Variants in JAKMIP3 observed in about 807,000 individuals in gnomAD.
JAKMIP3 encodes janus kinase and microtubule-interacting protein 3.
A neutral mutation model predicts 118.5 loss-of-function variants in JAKMIP3; 58 were observed. That is an observed-to-expected ratio of 0.49 (90% confidence interval 0.40 to 0.61). The LOEUF (loss-of-function observed/expected upper bound fraction) is 0.61. Ranked by LOEUF, JAKMIP3 falls within the 20% of genes least tolerant of loss-of-function variation. The probability of loss-of-function intolerance (pLI) is 0.00; values close to 1 mark genes in which losing one functional copy is unlikely to be tolerated. For synonymous variants in JAKMIP3, 486 were observed against 451.2 expected, an observed-to-expected ratio of 1.08 and a Z score of -0.98; for missense variants, 950 against 1,109.0, an observed-to-expected ratio of 0.86 and a Z score of 2.04.
intron 19 of JAKMIP3, among the ~76,000 whole-genome samples, chr10:132,155,544 T>C (rs1475210015): frequency 6.6e-6 from 1 of 151,962 alleles, no homozygotes; most frequent in Non-Finnish European, 1.5e-5. Flanking sequence ...GCATCCTGGG[T>C]GGGGGTGTAA....
At chr10:132,130,152 C>T (rs577038595) in intron 3 of JAKMIP3, among the ~76,000 whole-genome samples, 20 of 152,152 alleles carry the variant, frequency 1.3e-4, no homozygotes, top group Non-Finnish European at 2.5e-4. Flanking sequence ...GGAGGCTTGG[C>T]GGCCTCTTCT....
chr10:132,146,428 G>C (rs1173367486), intron 13 of JAKMIP3, among the ~76,000 whole-genome samples: 1 of 152,152 alleles, frequency 6.6e-6, no homozygotes, highest in Non-Finnish European at 1.5e-5. Flanking sequence ...ACAACTGTGG[G>C]AGCAGGTGAT....
intron 23 of JAKMIP3, chr10:132,170,182 G>C (rs2059346410): frequency 6.6e-6 from 1 of 152,234 alleles, no homozygotes; most frequent in Non-Finnish European, 1.5e-5. Context: ...AGAGACTTCT[G>C]GTCCCACAGC....
At position 132,172,997 on chromosome 10, in the gene JAKMIP3, T is replaced by C. The variant is rs1490246082; in HGVS notation, c.*1103+3964T>C. 7.0e-3 allele frequency among the ~76,000 whole-genome samples: 116 copies of C among 16,664 alleles called. 1 individual carries two copies. Among genetic ancestry groups the C allele is most frequent in the Non-Finnish European group, 8.0e-3 (72 of 9,018 alleles). The allele number at this position is 16,664 out of a possible 152,430, so 10.9% of individuals were successfully genotyped here. A position where few individuals can be genotyped will look rare whatever the true frequency, so the allele number is the denominator to read the frequency against. Reference sequence around the variant, plus strand: ...TCTCCTTCCCTCTCTCTCTCTCTCCTTCCCTCTCTCTCTCTCTCCCTCTCT... The same window carrying C: ...TCTCCTTCCCTCTCTCTCTCTCTCCCTCCCTCTCTCTCTCTCTCCCTCTCT... On this transcript the variant is annotated intron_variant, in intron 23 of 23. Coordinates refer to ENST00000684848, the MANE Select transcript of JAKMIP3 (RefSeq NM_001323087.2).
In JAKMIP3 at chr10:132,050,507, C is replaced by T. The variant is rs527633589; in HGVS notation, c.-138+13769C>T. Among the ~76,000 whole-genome samples the T allele has an allele frequency of 2.6e-3, 389 of 152,256 alleles. 5 individuals are homozygous for T. Among genetic ancestry groups the T allele is most frequent in the East Asian group, 3.9e-3 (20 of 5,178 alleles). On this transcript the variant is annotated intron_variant, in intron 1 of 23. Transcript: ENST00000657785. ...GGGGCCTGGATTTGTTGCTTTTTCT[C>T]TTTTTACTCAGTTACTTAGCAGTTT...
At chr10:132,180,757 G>GTA (rs2061249248) in intron 23 of JAKMIP3, among the ~76,000 whole-genome samples, 1 of 33,970 alleles carries the variant, frequency 2.9e-5, no homozygotes, top group African/African-American at 1.1e-4. Context: ...GCGCGCGTGT[G>GTA]TGCGTGTGTG....
rs2060479320 is a variant in JAKMIP3 at position 132,179,345 on chromosome 10, T to A, written c.*1104-3012T>A. Among the ~76,000 whole-genome samples the A allele has an allele frequency of 6.6e-6, 1 of 152,158 alleles. No individual in the cohort carries two copies. Among genetic ancestry groups the A allele is most frequent in the African/African-American group, 2.4e-5 (1 of 41,428 alleles). Reference sequence around the variant, plus strand: ...GCTCTGAGCTGGTTGGGGCTCCACCTGCACTATGCCTGAGCTCCCCACATC... The same window carrying A: ...GCTCTGAGCTGGTTGGGGCTCCACCAGCACTATGCCTGAGCTCCCCACATC... On this transcript the variant is annotated intron_variant, in intron 23 of 23. Coordinates refer to ENST00000684848, the MANE Select transcript of JAKMIP3 (RefSeq NM_001323087.2). The surrounding 1 kb of genome is among the most constrained non-coding windows in gnomAD (Gnocchi z 4.3).
chr10:132,143,148 G>GT (rs1197792401), intron 11 of JAKMIP3, among the ~76,000 whole-genome samples: 4 of 149,766 alleles, frequency 2.7e-5, no homozygotes, highest in African/African-American at 1.0e-4. Context: ...GAGTCGGGGT[G>GT]GGGGGGGCTG....
At chr10:132,063,593 C>T (rs1197233772), upstream of JAKMIP3, among the ~76,000 whole-genome samples, 2 of 152,250 alleles carry the variant, frequency 1.3e-5, no homozygotes, top group Admixed American at 1.3e-4. Flanking sequence ...CCAGCACCCA[C>T]CTGCTCTCCG....
intron 4 of JAKMIP3, 122 bp from the exon 5 acceptor site, chr10:132,134,919 C>A (rs772700340): frequency 1.5e-5 from 18 of 1,238,734 alleles, no homozygotes; most frequent in Admixed American, 4.5e-5. Flanking sequence ...TCCCGGCAGC[C>A]GCGTGGAGGT....
intron 23 of JAKMIP3, among the ~76,000 whole-genome samples, chr10:132,170,741 C>G (rs2059412933): frequency 6.6e-6 from 1 of 152,166 alleles, no homozygotes; most frequent in South Asian, 2.1e-4. Context: ...TCAGGCCTGT[C>G]GGCATGGCGG....
chr10:132,162,330 C>T (rs1438596416), intron 19 of JAKMIP3, among the ~76,000 whole-genome samples: 1 of 152,252 alleles, frequency 6.6e-6, no homozygotes, highest in Non-Finnish European at 1.5e-5. Flanking sequence ...GAGCACCTCC[C>T]ACCACCAGGT....
chr10:132,081,565 C>T (rs190163361), intron 1 of JAKMIP3, among the ~76,000 whole-genome samples: 330 of 152,226 alleles, frequency 2.2e-3, no homozygotes, highest in African/African-American at 7.3e-3. Context: ...TCCCAGTGCC[C>T]GCATCTTTAC....
rs550320254 is a variant in JAKMIP3 at position 132,116,989 on chromosome 10, C to T, written c.136-88C>T. 14 of 1,444,122 alleles carry T rather than the reference C, an allele frequency of 9.7e-6. No individual in the cohort carries two copies. In the East Asian group the frequency reaches 2.4e-4, roughly 24 times the overall value. The allele number at this position is 1,444,122 out of a possible 1,614,324, so 89.5% of individuals were successfully genotyped here. On this transcript the variant is annotated intron_variant, in intron 2 of 23. Transcript: ENST00000684848. Reference sequence around the variant, plus strand: ...CACATTCAGGTGTGAGTGTGTGCAACGTGGAAGCTCCCCCAAATGCACATT... The same window carrying T: ...CACATTCAGGTGTGAGTGTGTGCAATGTGGAAGCTCCCCCAAATGCACATT...
intron 1 of JAKMIP3, among the ~76,000 whole-genome samples, chr10:132,048,469 T>TAA (rs2037995652): frequency 6.6e-6 from 1 of 152,164 alleles, no homozygotes; most frequent in South Asian, 2.1e-4. Flanking sequence ...GGATACTTAT[T>TAA]CCATGGGCTA....
rs150154129 is a variant in JAKMIP3, at chr10:132,163,360, G to A, written c.2372G>A (p.Arg791Gln). ...CAGGTCATGAGTGAGCTGCGCGAGCGGGACGCCCAGATCCTGCGGGAGCGC... is the reference window on the plus strand; with the variant it reads ...CAGGTCATGAGTGAGCTGCGCGAGCAGGACGCCCAGATCCTGCGGGAGCGC... ...KRQVMSELRE[R>Q]DAQILRERME... Residue 791 changes from arginine (R) to glutamine (Q), a missense_variant, in exon 20 of 24, where the codon CGG becomes CAG. Coordinates refer to ENST00000684848, the MANE Select transcript of JAKMIP3 (RefSeq NM_001323087.2). 17 of 1,608,720 alleles carry A rather than the reference G, an allele frequency of 1.1e-5. No individual in the cohort carries two copies. The highest frequency in any genetic ancestry group is 6.7e-5 in the East Asian group (3 of 44,866).
At chr10:132,180,553 GCA>G (rs10540463) in intron 23 of JAKMIP3, among the ~76,000 whole-genome samples, 5,487 of 12,992 alleles carry the variant, frequency 0.42, 1,911 homozygotes, top group Admixed American at 0.5. Context: ...GTGCGTGCGT[GCA>G]TGCGTGTGTG....
At chr10:132,148,915 TAA>T (rs1276930391) in intron 14 of JAKMIP3, among the ~76,000 whole-genome samples, 1 of 152,268 alleles carries the variant, frequency 6.6e-6, no homozygotes, top group East Asian at 1.9e-4. Flanking sequence ...AGCCGCCTCT[TAA>T]GAGTCTGCCC....
At chr10:132,066,089 G>A (rs999568377) in intron 1 of JAKMIP3, among the ~76,000 whole-genome samples, 28 bp downstream of exon 1, 1 of 152,196 alleles carries the variant, frequency 6.6e-6, no homozygotes, top group Non-Finnish European at 1.5e-5. Context: ...GACTGCTGCA[G>A]AGGCTTTGTT....
Sources: allele counts gnomAD v4.1 joint callset (sites outside exome capture counted in the v4.1 genomes callset), GRCh38; gene constraint gnomAD v4.1.1; non-coding constraint Gnocchi (gnomAD v3.1); transcripts MANE v1.5; gene names NCBI Gene and HGNC (gene_info 2026-07-23, HGNC 2026-07-21).